PARN: variants seen among roughly 807,000 people sequenced by gnomAD.
The protein encoded by PARN is poly(A)-specific ribonuclease PARN.
PARN carries 71 observed loss-of-function variants against 102.8 expected under a neutral mutation model. The observed-to-expected ratio is 0.69, with a 90% confidence interval of 0.57 to 0.84. The LOEUF (loss-of-function observed/expected upper bound fraction) is 0.84, where lower values mean the gene tolerates loss of function less well. Among genes scored for constraint, PARN ranks in the 40% least tolerant of loss-of-function variants. The probability of loss-of-function intolerance (pLI) is 0.00; values close to 1 mark genes in which losing one functional copy is unlikely to be tolerated. For synonymous variants in PARN, 261 were observed against 252.9 expected, an observed-to-expected ratio of 1.03 and a Z score of -0.30; for missense variants, 782 against 760.9, an observed-to-expected ratio of 1.03 and a Z score of -0.33.
At chr16:14,457,134 T>C (rs1399099175) in intron 22 of PARN, among the ~76,000 whole-genome samples, 1 of 152,198 alleles carries the variant, frequency 6.6e-6, no homozygotes, top group Non-Finnish European at 1.5e-5. Context: ...AACAAATTGC[T>C]TATTTTATCC....
At chr16:14,460,968 T>C (rs1961932139) in intron 22 of PARN, among the ~76,000 whole-genome samples, 1 of 152,204 alleles carries the variant, frequency 6.6e-6, no homozygotes, top group Admixed American at 6.5e-5. Context: ...TCAACCCAGG[T>C]GATGAAGGTT....
At position 14,519,114 on chromosome 16, in the gene PARN, T is replaced by C. The variant is rs185879912; in HGVS notation, c.1480+32907A>G. Among the ~76,000 whole-genome samples the C allele has an allele frequency of 4.0e-3, 607 of 151,734 alleles. 5 individuals are homozygous for C. Among genetic ancestry groups the C allele is most frequent in the African/African-American group, 0.014 (563 of 41,164 alleles). On this transcript the variant is annotated intron_variant, in intron 21 of 23. Coordinates refer to ENST00000437198, the MANE Select transcript of PARN (RefSeq NM_002582.4). ...TCTATTTCTACCATCTCCAGTGTCA[T>C]TGAGAACCAGGATTCTTGCTATGAG...
chr16:14,592,996 C>A (rs534586577), intron 13 of PARN, among the ~76,000 whole-genome samples: 1 of 151,980 alleles, frequency 6.6e-6, no homozygotes, highest in African/African-American at 2.4e-5. Flanking sequence ...AGTAGCTGGG[C>A]GTGGTGACGG....
intron 22 of PARN, among the ~76,000 whole-genome samples, chr16:14,462,814 T>C (rs1962070154): frequency 6.6e-6 from 1 of 152,162 alleles, no homozygotes; most frequent in Non-Finnish European, 1.5e-5. Flanking sequence ...CTGATTTACC[T>C]ACCCAGCCAA....
intron 13 of PARN, among the ~76,000 whole-genome samples, chr16:14,589,641 G>C (rs187903127): frequency 6.6e-6 from 1 of 152,032 alleles, no homozygotes; most frequent in South Asian, 2.1e-4. Flanking sequence ...CCAGGCAGGC[G>C]GATCACCTAA....
At chr16:14,575,802 T>C (rs1349169632) in intron 18 of PARN, among the ~76,000 whole-genome samples, 2 of 152,164 alleles carry the variant, frequency 1.3e-5, no homozygotes, top group Non-Finnish European at 1.5e-5. Context: ...TTTGGCTGTG[T>C]CCCCACCCAA....
chr16:14,541,119 C>CTT lies in PARN; in HGVS notation c.1480+10900_1480+10901dup, dbSNP rs34336313. On this transcript the variant is annotated intron_variant, in intron 21 of 23. Coordinates refer to ENST00000437198, the MANE Select transcript of PARN (RefSeq NM_002582.4). Reference sequence around the variant, plus strand: ...CAGCCTGGACATCATGGCGAAACATCTTTTTTTTTTTTTTTTTTTAAAGCA... The same window carrying CTT: ...CAGCCTGGACATCATGGCGAAACATCTTTTTTTTTTTTTTTTTTTTTAAAGCA... Among the ~76,000 whole-genome samples, 271 of 126,298 alleles carry CTT rather than the reference C, an allele frequency of 2.1e-3. 1 individual carries two copies. The highest frequency in any genetic ancestry group is 0.014 in the South Asian group (54 of 3,766). The allele number at this position is 126,298 out of a possible 152,430, so 82.9% of individuals were successfully genotyped here.
intron 21 of PARN, among the ~76,000 whole-genome samples, chr16:14,538,887 A>G (rs972565208): frequency 6.6e-6 from 1 of 152,136 alleles, no homozygotes; most frequent in Non-Finnish European, 1.5e-5. Flanking sequence ...CCGTAAGAAC[A>G]TGAGCCCTAT....
chr16:14,520,303 G>C (rs183296898), intron 21 of PARN, among the ~76,000 whole-genome samples: 2 of 152,294 alleles, frequency 1.3e-5, no homozygotes, highest in African/African-American at 4.8e-5. Flanking sequence ...CTTGACTTCA[G>C]TGGAAAAAGA....
At chr16:14,599,872 T>C in intron 12 of PARN, 32 bp downstream of exon 12, 1 of 1,408,768 alleles carries the variant, frequency 7.1e-7, no homozygotes, top group East Asian at 2.3e-5. Flanking sequence ...TAGTATGTTC[T>C]GCAATCTTGC....
At chr16:14,570,321 C>CAAAAAAA (rs59965954) in intron 18 of PARN, among the ~76,000 whole-genome samples, 6 of 63,082 alleles carry the variant, frequency 9.5e-5, no homozygotes, top group East Asian at 6.1e-4. Flanking sequence ...GACTCTGTCT[C>CAAAAAAA]AAAAAAAAAA....
chr16:14,505,574 C>T (rs1171124726), intron 21 of PARN, among the ~76,000 whole-genome samples: 1 of 152,048 alleles, frequency 6.6e-6, no homozygotes, highest in African/African-American at 2.4e-5. Flanking sequence ...TTAATCTAAG[C>T]ATCATTTTCT....
At chr16:14,621,829 GAACT>G (rs1240594278) in intron 5 of PARN, among the ~76,000 whole-genome samples, 5 of 147,564 alleles carry the variant, frequency 3.4e-5, no homozygotes, top group Middle Eastern at 3.6e-3. Flanking sequence ...AAAAACCTTT[GAACT>G]AACAAAACCT....
At chr16:14,571,569 T>C (rs1968814741) in intron 18 of PARN, among the ~76,000 whole-genome samples, 1 of 149,302 alleles carries the variant, frequency 6.7e-6, no homozygotes, top group Non-Finnish European at 1.5e-5. Context: ...TTACTGGATG[T>C]ACACAGTGCA....
chr16:14,523,540 T>G (rs1965846452), intron 21 of PARN, among the ~76,000 whole-genome samples: 1 of 152,214 alleles, frequency 6.6e-6, no homozygotes, highest in South Asian at 2.1e-4. Flanking sequence ...AATCTCTGCT[T>G]TCTGCCCCAT....
In PARN at chr16:14,545,924, AG is replaced by A. The variant is rs200882757; in HGVS notation, c.1480+6096del. Among the ~76,000 whole-genome samples the A allele has an allele frequency of 2.8e-4, 42 of 152,354 alleles. No homozygotes were observed. The East Asian group carries it at 7.9e-3, about 29-fold the overall frequency. On this transcript the variant is annotated intron_variant, in intron 21 of 23. Transcript: ENST00000437198. Reference sequence around the variant, plus strand: ...CATACGGTTCTAGCTCAAGAAACTGAGAAAAGAAGAGCAAAGTAAACCCAAG... The same window carrying A: ...CATACGGTTCTAGCTCAAGAAACTGAAAAAGAAGAGCAAAGTAAACCCAAG...
At chr16:14,505,897 T>C (rs1051797183) in intron 21 of PARN, among the ~76,000 whole-genome samples, 2 of 152,204 alleles carry the variant, frequency 1.3e-5, no homozygotes, top group African/African-American at 4.8e-5. Context: ...TGGACATTAA[T>C]GCTGCTGGAT....
intron 18 of PARN, among the ~76,000 whole-genome samples, chr16:14,567,328 TG>T: frequency 6.6e-6 from 1 of 152,292 alleles, no homozygotes; most frequent in East Asian, 1.9e-4. Context: ...CACTCCTCCA[TG>T]GCACCTGACT....
Position 14,482,733 on chromosome 16 carries a change from C to G in PARN, c.1575G>C (p.Lys525Asn). 1 of 1,613,952 alleles carries G rather than the reference C, an allele frequency of 6.2e-7. No homozygotes were observed. Among genetic ancestry groups the G allele is most frequent in the Non-Finnish European group, 8.5e-7 (1 of 1,179,848 alleles). Reference protein sequence around the residue: ...RKQEEKQIKRKWTEDSWKEAD... With the variant: ...RKQEEKQIKRNWTEDSWKEAD... ...CCTCCTTCCAGCTATCTTCAGTCCA[C>G]TTTCTTTTGATCTGCTTCTCTTCCT... Residue 525 changes from lysine to asparagine, a missense_variant, in exon 22 of 24, where the codon AAG becomes AAC. Transcript: ENST00000437198.
Sources: gnomAD v4.1 joint callset for allele counts (sites outside exome capture counted in the v4.1 genomes callset) on GRCh38, gnomAD v4.1.1 for gene constraint, MANE v1.5 for transcripts, NCBI Gene and HGNC (gene_info 2026-07-23, HGNC 2026-07-21) for gene names.